Variants in NAV2 observed in about 807,000 individuals in gnomAD.
NAV2 encodes helicase, APC down-regulated 1.
Under a neutral mutation model 223.2 loss-of-function variants are expected in NAV2, and 54 were observed. That is an observed-to-expected ratio of 0.24 (90% CI 0.19 to 0.30). NAV2 has a LOEUF of 0.30. NAV2 is among the 10% of genes least tolerant of loss of function. NAV2 has a pLI of 1.00. For synonymous variants in NAV2, 1,279 were observed against 1,239.3 expected, an observed-to-expected ratio of 1.03 and a Z score of -0.67; for missense variants, 2,806 against 3,147.5, an observed-to-expected ratio of 0.89 and a Z score of 2.60.
intron 1 of NAV2, among the ~76,000 whole-genome samples, chr11:19,501,604 C>G (rs1590345415): frequency 6.6e-6 from 1 of 151,976 alleles, no homozygotes; most frequent in Non-Finnish European, 1.5e-5. Flanking sequence ...CTTATAAAAT[C>G]ACTTATTGCT....
At chr11:19,364,112 T>G (rs984896240) in intron 1 of NAV2, among the ~76,000 whole-genome samples, 1 of 152,170 alleles carries the variant, frequency 6.6e-6, no homozygotes, top group African/African-American at 2.4e-5. Flanking sequence ...AGTTGGATCC[T>G]CTGGCAGCCA....
chr11:20,096,216 T>C (rs144460184), intron 30 of NAV2, among the ~76,000 whole-genome samples: 1 of 152,326 alleles, frequency 6.6e-6, no homozygotes, highest in African/African-American at 2.4e-5. Flanking sequence ...GTCTTTGATT[T>C]GTTTTACGAG....
rs926696997 is a variant in NAV2, at chr11:19,831,533, A to G, written c.268-951A>G. Among the ~76,000 whole-genome samples the G allele has an allele frequency of 2.6e-5, 4 of 152,184 alleles. No homozygotes were observed. In the South Asian group the frequency reaches 6.2e-4, roughly 24 times the overall value. ...AAGAGGTGCTGATACCCTAAGGCCT[A>G]CATGTTCACATATACACTCTTCTGC... On this transcript the variant is annotated intron_variant, in intron 1 of 37. Coordinates refer to ENST00000349880, the MANE Select transcript of NAV2 (RefSeq NM_145117.5).
intron 1 of NAV2, among the ~76,000 whole-genome samples, chr11:19,730,858 AG>A (rs1396490525): frequency 6.6e-6 from 1 of 152,182 alleles, no homozygotes; most frequent in Non-Finnish European, 1.5e-5. Context: ...GCCTGCCTAC[AG>A]GTGCAGCTGC....
chr11:19,525,936 G>A (rs1459954579), intron 1 of NAV2, among the ~76,000 whole-genome samples: 1 of 152,090 alleles, frequency 6.6e-6, no homozygotes, highest in Non-Finnish European at 1.5e-5. Flanking sequence ...TCCTAGGGTG[G>A]AGGCCCAGGT....
intron 1 of NAV2, among the ~76,000 whole-genome samples, chr11:19,621,037 G>A (rs4393296): frequency 0.96 from 145,428 of 152,048 alleles, 69,707 homozygotes; most frequent in Non-Finnish European, 1. Flanking sequence ...TTTTGTCTTT[G>A]ATTCTGTTTA....
At chr11:19,936,455 C>A (rs369447457) in intron 7 of NAV2, among the ~76,000 whole-genome samples, 1 of 152,148 alleles carries the variant, frequency 6.6e-6, no homozygotes, top group African/African-American at 2.4e-5. Context: ...AAATGTCTGA[C>A]AAAGAGGAGG....
At chr11:19,725,501 C>A (rs551417617) in intron 1 of NAV2, among the ~76,000 whole-genome samples, 4 of 152,168 alleles carry the variant, frequency 2.6e-5, no homozygotes, top group Admixed American at 1.3e-4. Context: ...CAAAAGTATT[C>A]CCTCTCTAAT....
chr11:19,694,915 C>A (rs1463442552), intron 1 of NAV2, among the ~76,000 whole-genome samples: 2 of 152,182 alleles, frequency 1.3e-5, no homozygotes, highest in Non-Finnish European at 2.9e-5. Flanking sequence ...TCCACTGTCC[C>A]CGGAGCCTGT....
chr11:19,777,712 G>A (rs1451641880), intron 1 of NAV2: 2 of 400,596 alleles, frequency 5.0e-6, no homozygotes, highest in Non-Finnish European at 1.0e-5. Context: ...GAAAGTCGAT[G>A]TGTGTATGTC....
intron 1 of NAV2, among the ~76,000 whole-genome samples, chr11:19,792,411 T>A (rs2057586231): frequency 6.6e-6 from 1 of 152,242 alleles, no homozygotes; most frequent in Non-Finnish European, 1.5e-5. Flanking sequence ...CCTGACACCC[T>A]GGTCTGCTGC....
chr11:19,627,920 A>G (rs1202190778), intron 1 of NAV2, among the ~76,000 whole-genome samples: 1 of 111,610 alleles, frequency 9.0e-6, no homozygotes, highest in Non-Finnish European at 2.0e-5. Flanking sequence ...TTCAAAAAAA[A>G]AAAAAAAAGA....
chr11:19,976,543 C>A (rs1254554904), intron 10 of NAV2, among the ~76,000 whole-genome samples: 1 of 152,246 alleles, frequency 6.6e-6, no homozygotes, highest in Non-Finnish European at 1.5e-5. Context: ...GTCCCCATGG[C>A]CTGCTAGATC....
chr11:20,104,105 T>A lies in NAV2; in HGVS notation c.6644+381T>A, dbSNP rs141671195. ...TCCAGTGGCGTCTCTCTGTCCCAAG[T>A]GAACATGAGCAATGACAGCTTTTAC... is the stretch of plus-strand genomic sequence containing the variant. On this transcript the variant is annotated intron_variant, in intron 34 of 37. Transcript: ENST00000349880. The A allele has an allele frequency of 8.1e-3, 1,862 of 230,514 alleles. 22 individuals are homozygous for A. Among genetic ancestry groups the A allele is most frequent in the Non-Finnish European group, 7.9e-3 (931 of 117,412 alleles). 14.3% of individuals were successfully genotyped at this position (230,514 alleles called of 1,614,324 possible). A position where few individuals can be genotyped will look rare whatever the true frequency, so the allele number is the denominator to read the frequency against.
intron 1 of NAV2, among the ~76,000 whole-genome samples, chr11:19,436,897 T>C (rs930257444): frequency 2.6e-5 from 4 of 152,204 alleles, no homozygotes; most frequent in Non-Finnish European, 5.9e-5. Flanking sequence ...TGTTAGTGTA[T>C]AGAAATGCTA....
At chr11:20,051,866 C>G (rs1466057242) in intron 17 of NAV2, among the ~76,000 whole-genome samples, 5 of 152,168 alleles carry the variant, frequency 3.3e-5, no homozygotes, top group Non-Finnish European at 7.3e-5. Context: ...CATTGCCCAA[C>G]AAGACATGGG....
intron 8 of NAV2, among the ~76,000 whole-genome samples, chr11:19,945,154 TCCC>T (rs2046812338): frequency 0.026 from 190 of 7,208 alleles, 1 homozygote; most frequent in African/African-American, 0.065. Flanking sequence ...TCTTTCTGTC[TCCC>T]TTCCCTTCCC....
intron 1 of NAV2, among the ~76,000 whole-genome samples, chr11:19,359,612 T>A (rs1328289551): frequency 6.6e-6 from 1 of 152,238 alleles, no homozygotes; most frequent in African/African-American, 2.4e-5. Context: ...GCCCATGGAA[T>A]GTTCTGAAAT....
At chr11:19,471,859 T>G (rs1214638583) in intron 1 of NAV2, among the ~76,000 whole-genome samples, 1 of 152,168 alleles carries the variant, frequency 6.6e-6, no homozygotes, top group African/African-American at 2.4e-5. Context: ...TTCACCCCAC[T>G]GCTATTCCCA....
Sources: allele counts gnomAD v4.1 joint callset (sites outside exome capture counted in the v4.1 genomes callset), GRCh38; gene constraint gnomAD v4.1.1; transcripts MANE v1.5; gene names NCBI Gene and HGNC (gene_info 2026-07-23, HGNC 2026-07-21).